BICDL2: variants seen among roughly 807,000 people sequenced by gnomAD.
BICDL2 encodes BICD family like cargo adaptor 2.
Under a neutral mutation model 56.6 loss-of-function variants are expected in BICDL2, and 62 were observed. The ratio of observed to expected loss-of-function variants is 1.10; its 90% CI spans 0.89 to 1.35. BICDL2 has a LOEUF of 1.35. Among genes scored for constraint, BICDL2 ranks in the 40% most tolerant of loss-of-function variants. The pLI, the probability that BICDL2 is intolerant of heterozygous loss-of-function variation, is 0.00. For missense variants in BICDL2, 808 were observed against 684.5 expected, an observed-to-expected ratio of 1.18 and a Z score of -2.01; for synonymous variants, 358 against 319.8, an observed-to-expected ratio of 1.12 and a Z score of -1.27.
chr16:3,035,702 T>C (rs1022388913), intron 1 of BICDL2, 176 bp from the exon 2 acceptor site: 13 of 597,376 alleles, frequency 2.2e-5, no homozygotes, highest in Admixed American at 1.8e-4. Flanking sequence ...GTCCCTGGGG[T>C]AAACTGAGGC....
At position 3,028,142 on chromosome 16, in the gene BICDL2, G is replaced by T; in HGVS notation, c.1491C>A (p.Ala497=). 1 of 1,441,612 alleles carries T rather than the reference G, an allele frequency of 6.9e-7. No homozygotes were observed. The allele number at this position is 1,441,612 out of a possible 1,614,324, so 89.3% of individuals were successfully genotyped here. ...RFSLRLGPGP[A]GGFLSNLFRR... ...GGAAGAGGTTACTGAGAAAGCCACC[G>T]GCGGGCCCGGGGCCCAGGCGCAGCG... The change falls in exon 10 of 10, where the codon GCC becomes GCA. Residue 497 remains alanine (A), a synonymous_variant. Coordinates refer to ENST00000572449, the MANE Select transcript of BICDL2 (RefSeq NM_001369667.1).
chr16:3,028,506 T>C (rs553644049), intron 8 of BICDL2, 38 bp from the exon 9 acceptor site: 2 of 1,565,924 alleles, frequency 1.3e-6, no homozygotes, highest in Non-Finnish European at 8.6e-7. Flanking sequence ...TTGAGGGCGC[T>C]AGGGCCTCAG....
Position 3,035,177 on chromosome 16 carries a change from G to GTC in BICDL2, c.282+37_282+38insGA. The GTC allele has an allele frequency of 4.2e-5, 5 of 118,826 alleles. 1 individual carries two copies. Among genetic ancestry groups the GTC allele is most frequent in the South Asian group, 2.8e-4 (2 of 7,184 alleles). The allele number at this position is 118,826 out of a possible 1,614,324, so 7.4% of individuals were successfully genotyped here. On this transcript the variant is annotated intron_variant, in intron 2 of 9. Transcript: ENST00000572449. ...TCTCCAGGCCCACCCGTCCTCCCCTGCCCACCCACCCACCCACCCCGTCCA... is the reference window on the plus strand; with the variant it reads ...TCTCCAGGCCCACCCGTCCTCCCCTGTCCCCACCCACCCACCCACCCCGTCCA...
In BICDL2 at chr16:3,029,720, T is replaced by C; in HGVS notation, c.782A>G (p.Glu261Gly). The C allele has an allele frequency of 6.5e-7, 1 of 1,535,736 alleles. No homozygotes were observed. Among genetic ancestry groups the C allele is most frequent in the South Asian group, 1.2e-5 (1 of 84,144 alleles). ...CAGCGCACTCAGCGCCTCCCCAGCC[T>C]CTGACCGTGCGCGTTCCAGCTGTGG... ...HSLELERARS[E>G]AGEALSALRR... Residue 261 changes from glutamate (E) to glycine (G), a missense_variant, in exon 6 of 10, where the codon GAG (glutamate) becomes GGG (glycine). Coordinates refer to ENST00000572449, the MANE Select transcript of BICDL2 (RefSeq NM_001369667.1).
At chr16:3,035,176 T>TTGGCCCGGGGGGGGGGGGGGGGGGGG in intron 2 of BICDL2, 39 bp downstream of exon 2, 16 of 136,262 alleles carry the variant, frequency 1.2e-4, no homozygotes, top group Non-Finnish European at 2.2e-4. Flanking sequence ...CGTCCTCCCC[T>TTGGCCCGGGGGGGGGGGGGGGGGGGG]GCCCACCCAC....
Position 3,029,689 on chromosome 16 carries a change from C to G in BICDL2, c.813G>C (p.Arg271Ser), listed in dbSNP as rs569002662. Residue 271 changes from arginine (R) to serine (S), a missense_variant, in exon 6 of 10, where the codon AGG (arginine) becomes AGC (serine). Physicochemically the swap from Arg to Ser is moderately radical, Grantham distance 110 (BLOSUM62 -1). Transcript: ENST00000572449. ...CCAGCTCGGAGACGCGCCGCTGCAG[C>G]CTCCGCAGCGCACTCAGCGCCTCCC... ...EAGEALSALRRLQRRVSELEE... is the reference protein window; with the variant it reads ...EAGEALSALRSLQRRVSELEE... 1.3e-6 allele frequency: 2 copies of G among 1,541,108 alleles called. No individual in the cohort carries two copies. Among genetic ancestry groups the G allele is most frequent in the Non-Finnish European group, 1.7e-6 (2 of 1,149,894 alleles).
In BICDL2 at chr16:3,035,530, C is replaced by A. The variant is rs753330281; in HGVS notation, c.-30-4G>T. The stretch of plus-strand genomic sequence containing the variant: ...CAGCATCTGCGGGGACAGGTGGCTG[C>A]GGGACACTCTACTCTGCAGCCTGAC... On this transcript the variant is annotated splice_polypyrimidine_tract_variant and splice_region_variant and intron_variant, in intron 1 of 9. Coordinates refer to ENST00000572449, the MANE Select transcript of BICDL2 (RefSeq NM_001369667.1). 1.3e-6 allele frequency: 2 copies of A among 1,583,880 alleles called. No individual in the cohort carries two copies. The highest frequency in any genetic ancestry group is 2.7e-5 in the African/African-American group (2 of 74,288).
intron 8 of BICDL2, 38 bp downstream of exon 8, chr16:3,028,662 G>C (rs923496415): frequency 6.4e-7 from 1 of 1,555,218 alleles, no homozygotes; most frequent in Admixed American, 2.0e-5. Context: ...GGAGGGCCCA[G>C]AGGGCGCTGG....
chr16:3,032,002 G>A (rs913037702), intron 2 of BICDL2: 9 of 152,372 alleles, frequency 5.9e-5, no homozygotes, highest in African/African-American at 2.2e-4. Flanking sequence ...CACTATCTCA[G>A]CTCACGGCAA....
chr16:3,028,123 G>A lies in BICDL2; in HGVS notation c.1510C>T (p.Leu504Phe), dbSNP rs1202542029. Residue 504 changes from leucine (L) to phenylalanine (F), a missense_variant, in exon 10 of 10, where the codon CTC becomes TTC. Coordinates refer to ENST00000572449, the MANE Select transcript of BICDL2 (RefSeq NM_001369667.1). ...CCCAGCCGTCAGGTCCTTCGGAAGAGGTTACTGAGAAAGCCACCGGCGGGC... is the reference window on the plus strand; with the variant it reads ...CCCAGCCGTCAGGTCCTTCGGAAGAAGTTACTGAGAAAGCCACCGGCGGGC... ...PGPAGGFLSN[L>F]FRRT 1 of 1,440,726 alleles carries A rather than the reference G, an allele frequency of 6.9e-7. No individual in the cohort carries two copies. The highest frequency in any genetic ancestry group is 9.1e-7 in the Non-Finnish European group (1 of 1,104,212). The allele number at this position is 1,440,726 out of a possible 1,614,324, so 89.2% of individuals were successfully genotyped here. A position where few individuals can be genotyped will look rare whatever the true frequency, so the allele number is the denominator to read the frequency against.
chr16:3,030,661 G>A (rs1178259775), intron 4 of BICDL2, 35 bp downstream of exon 4: 2 of 1,597,590 alleles, frequency 1.3e-6, no homozygotes. Flanking sequence ...GGCTTTTTTG[G>A]CTCAGATAAT....
chr16:3,029,235 A>T, intron 7 of BICDL2, 45 bp downstream of exon 7: 2 of 1,589,508 alleles, frequency 1.3e-6, no homozygotes, highest in Non-Finnish European at 1.7e-6. Context: ...ACAGAAACTG[A>T]CAGCTGGAGG....
At chr16:3,036,027 A>G (rs1955729175) in intron 1 of BICDL2, 1 of 322,452 alleles carries the variant, frequency 3.1e-6, no homozygotes, top group African/African-American at 2.2e-5. Context: ...CCCAGATCCC[A>G]GCCCCTGACC....
intron 1 of BICDL2, chr16:3,036,029 C>T (rs775898934): frequency 3.7e-5 from 12 of 327,562 alleles, no homozygotes; most frequent in African/African-American, 2.6e-4. Flanking sequence ...CAGATCCCAG[C>T]CCCTGACCTC....
At chr16:3,036,534 T>A in intron 1 of BICDL2, 1 of 455,178 alleles carries the variant, frequency 2.2e-6, no homozygotes, top group Admixed American at 2.4e-5. Context: ...GACGTGAGTG[T>A]CACGGTGGTC....
intron 2 of BICDL2, chr16:3,031,559 C>T (rs1057082754): frequency 9.6e-6 from 4 of 418,038 alleles, no homozygotes; most frequent in Admixed American, 4.0e-5. Flanking sequence ...AGCCCCCTCC[C>T]CAGCTCCTCC....
In BICDL2 at chr16:3,035,177, G is replaced by GGCCCCCCCCCCCCCCCCCCCCCCCCCCCC; in HGVS notation, c.282+37_282+38insGGGGGGGGGGGGGGGGGGGGGGGGGGGGC. 4 of 118,826 alleles carry GGCCCCCCCCCCCCCCCCCCCCCCCCCCCC rather than the reference G, an allele frequency of 3.4e-5. 2 individuals are homozygous for GGCCCCCCCCCCCCCCCCCCCCCCCCCCCC. Among genetic ancestry groups the GGCCCCCCCCCCCCCCCCCCCCCCCCCCCC allele is most frequent in the South Asian group, 2.8e-4 (2 of 7,184 alleles). 7.4% of individuals were successfully genotyped at this position (118,826 alleles called of 1,614,324 possible). The stretch of plus-strand genomic sequence containing the variant: ...TCTCCAGGCCCACCCGTCCTCCCCT[G>GGCCCCCCCCCCCCCCCCCCCCCCCCCCCC]CCCACCCACCCACCCACCCCGTCCA... On this transcript the variant is annotated intron_variant, in intron 2 of 9. Coordinates refer to ENST00000572449, the MANE Select transcript of BICDL2 (RefSeq NM_001369667.1).
In BICDL2 at chr16:3,029,712, C is replaced by G. The variant is rs774961887; in HGVS notation, c.790G>C (p.Glu264Gln). Residue 264 changes from glutamate to glutamine, a missense_variant, in exon 6 of 10, where the codon GAG becomes CAG. Glu to Gln is a conservative substitution (Grantham distance 29). Coordinates refer to ENST00000572449, the MANE Select transcript of BICDL2 (RefSeq NM_001369667.1). ...ELERARSEAGEALSALRRLQR... is the reference protein window; with the variant it reads ...ELERARSEAGQALSALRRLQR... The stretch of plus-strand genomic sequence containing the variant: ...AGCCTCCGCAGCGCACTCAGCGCCT[C>G]CCCAGCCTCTGACCGTGCGCGTTCC... 8 of 1,540,182 alleles carry G rather than the reference C, an allele frequency of 5.2e-6. No homozygotes were observed. The Admixed American group carries it at 1.2e-4, about 23-fold the overall frequency.
chr16:3,030,165 C>T, intron 5 of BICDL2: 1 of 492,458 alleles, frequency 2.0e-6, no homozygotes, highest in Admixed American at 3.8e-5. Context: ...TTTTCTCCGT[C>T]TCCATTGCGC....
Sources: gnomAD v4.1 joint callset for allele counts on GRCh38, gnomAD v4.1.1 for gene constraint, MANE v1.5 for transcripts, NCBI Gene and HGNC (gene_info 2026-07-23, HGNC 2026-07-21) for gene names.